EPC2: variants seen among roughly 807,000 people sequenced by gnomAD.
EPC2 encodes enhancer of polycomb homolog 2.
In EPC2, 14 loss-of-function variants were observed where a neutral mutation model predicts 92.1. The observed-to-expected ratio is 0.15, with a 90% CI of 0.10 to 0.24. The LOEUF (loss-of-function observed/expected upper bound fraction) is 0.24, where lower values mean the gene tolerates loss of function less well. Ranked by LOEUF, EPC2 falls within the 10% of genes least tolerant of loss-of-function variation. The probability of loss-of-function intolerance (pLI) is 1.00; values close to 1 mark genes in which losing one functional copy is unlikely to be tolerated. For synonymous variants in EPC2, 340 were observed against 334.7 expected (o/e 1.02, Z -0.17); for missense variants, 755 against 971.5 (o/e 0.78, Z 2.96).
chr2:148,659,989 A>G (rs548324382), intron 1 of EPC2, among the ~76,000 whole-genome samples: 32 of 152,148 alleles, frequency 2.1e-4, no homozygotes, highest in Non-Finnish European at 4.3e-4. Context: ...TTTTGGAAAT[A>G]CCTACTCTTC....
At chr2:148,731,839 CTT>C (rs1427196093) in intron 2 of EPC2, among the ~76,000 whole-genome samples, 1 of 152,160 alleles carries the variant, frequency 6.6e-6, no homozygotes, top group Non-Finnish European at 1.5e-5. Context: ...CAAAAATAAT[CTT>C]TTGATTTATC....
chr2:148,759,003 A>G (rs1203160136), intron 4 of EPC2, among the ~76,000 whole-genome samples: 1 of 152,226 alleles, frequency 6.6e-6, no homozygotes, highest in African/African-American at 2.4e-5. Flanking sequence ...TTGTAAGGAG[A>G]TTAAATTACA....
intron 10 of EPC2, among the ~76,000 whole-genome samples, chr2:148,773,270 T>A (rs1404907768): frequency 6.6e-6 from 1 of 151,698 alleles, no homozygotes; most frequent in Non-Finnish European, 1.5e-5. Context: ...ACTGTTATCT[T>A]AGGCGTGCAT....
chr2:148,760,753 T>G (rs1340397472), intron 4 of EPC2, among the ~76,000 whole-genome samples: 2 of 152,236 alleles, frequency 1.3e-5, no homozygotes, highest in African/African-American at 4.8e-5. Flanking sequence ...TGACTATTAT[T>G]TTTCAAATGC....
chr2:148,693,669 A>C (rs1681685086), intron 2 of EPC2, among the ~76,000 whole-genome samples: 1 of 151,944 alleles, frequency 6.6e-6, no homozygotes. Context: ...GTGTAGTCTC[A>C]GTACACTTTT....
intron 1 of EPC2, chr2:148,645,451 G>A: frequency 5.1e-6 from 2 of 391,946 alleles, no homozygotes; most frequent in South Asian, 3.0e-5. Context: ...GAATGGCGCA[G>A]GGGATGCGCT....
intron 11 of EPC2, among the ~76,000 whole-genome samples, chr2:148,782,299 G>A (rs954920587): frequency 7.2e-5 from 11 of 152,090 alleles, no homozygotes; most frequent in Admixed American, 1.3e-4. Context: ...CACTTTGGGC[G>A]GCCGAGGCGG....
intron 4 of EPC2, among the ~76,000 whole-genome samples, chr2:148,758,657 A>G (rs953507365): frequency 5.9e-5 from 9 of 152,146 alleles, no homozygotes; most frequent in Non-Finnish European, 1.0e-4. Context: ...CGGCCTTCCA[A>G]AGTGCTGGGA....
chr2:148,742,578 C>G (rs530454255), intron 2 of EPC2, among the ~76,000 whole-genome samples: 1 of 151,830 alleles, frequency 6.6e-6, no homozygotes, highest in South Asian at 2.1e-4. Context: ...CCCAGGAGTT[C>G]CAGACAAGCC....
intron 3 of EPC2, among the ~76,000 whole-genome samples, chr2:148,752,984 G>T (rs1417488924): frequency 6.6e-6 from 1 of 152,098 alleles, no homozygotes; most frequent in Non-Finnish European, 1.5e-5. Flanking sequence ...AATAATACAA[G>T]TAAAAAGATT....
At chr2:148,722,985 G>A (rs904312592) in intron 2 of EPC2, among the ~76,000 whole-genome samples, 1 of 152,116 alleles carries the variant, frequency 6.6e-6, no homozygotes. Flanking sequence ...AGAACACATG[G>A]ATACAAAGAA....
chr2:148,723,969 A>G (rs1326478649), intron 2 of EPC2, among the ~76,000 whole-genome samples: 1 of 152,102 alleles, frequency 6.6e-6, no homozygotes, highest in African/African-American at 2.4e-5. Context: ...CTTCAGTAGT[A>G]ATATTTGTCT....
chr2:148,661,740 T>C (rs922142517), intron 1 of EPC2, among the ~76,000 whole-genome samples: 40 of 152,188 alleles, frequency 2.6e-4, no homozygotes, highest in Admixed American at 2.0e-3. Context: ...TTCTGTAGTG[T>C]ATCTACCATG....
chr2:148,651,210 G>T (rs1680675785), intron 1 of EPC2, among the ~76,000 whole-genome samples: 1 of 152,178 alleles, frequency 6.6e-6, no homozygotes. Flanking sequence ...AATATCTAAA[G>T]GAAGTTCTGA....
rs184199531 is a variant in EPC2, at chr2:148,764,828, G to A, written c.949-127G>A. On this transcript the variant is annotated intron_variant, in intron 6 of 13. Coordinates refer to ENST00000258484, the MANE Select transcript of EPC2 (RefSeq NM_015630.4). ...TTTATGAACACAGAATAATTTTTGC[G>A]TATTAAAAACAATAAAATCACCTCC... The A allele has an allele frequency of 1.5e-3, 888 of 603,958 alleles. 20 individuals carry two copies. The East Asian group carries it at 0.029, about 20-fold the overall frequency. The allele number at this position is 603,958 out of a possible 1,614,324, so 37.4% of individuals were successfully genotyped here.
intron 1 of EPC2, among the ~76,000 whole-genome samples, chr2:148,669,376 C>T (rs1197992533): frequency 2.0e-5 from 3 of 151,968 alleles, no homozygotes; most frequent in Non-Finnish European, 4.4e-5. Context: ...TTCTGGGATG[C>T]GGTTAAGTTA....
intron 10 of EPC2, among the ~76,000 whole-genome samples, chr2:148,780,781 C>T (rs1287429714): frequency 2.0e-5 from 3 of 152,144 alleles, no homozygotes; most frequent in South Asian, 2.1e-4. Flanking sequence ...ATTATCATGT[C>T]ATTTAATTTT....
At chr2:148,783,119 A>G (rs1683787717) in intron 11 of EPC2, among the ~76,000 whole-genome samples, 1 of 152,214 alleles carries the variant, frequency 6.6e-6, no homozygotes, top group Non-Finnish European at 1.5e-5. Context: ...CTTAGTAACC[A>G]GTTTTATACA....
intron 6 of EPC2, among the ~76,000 whole-genome samples, chr2:148,763,192 A>C (rs996050140): frequency 6.6e-6 from 1 of 152,126 alleles, no homozygotes; most frequent in Non-Finnish European, 1.5e-5. Context: ...AACACCTCAA[A>C]GCTTTCTTCA....
Sources: gnomAD v4.1 joint callset for allele counts (sites outside exome capture counted in the v4.1 genomes callset) on GRCh38, gnomAD v4.1.1 for gene constraint, MANE v1.5 for transcripts, NCBI Gene and HGNC (gene_info 2026-07-23, HGNC 2026-07-21) for gene names.